Variants in ST18 observed in about 807,000 individuals in gnomAD.
ST18 encodes suppression of tumorigenicity 18 protein.
Under a neutral mutation model 110.0 loss-of-function variants are expected in ST18, and 50 were observed. That is an observed-to-expected ratio of 0.45 (90% CI 0.36 to 0.58). ST18 has a LOEUF of 0.58. Ranked by LOEUF, ST18 falls within the 20% of genes least tolerant of loss-of-function variation. The pLI, the probability that ST18 is intolerant of heterozygous loss-of-function variation, is 0.00. For missense variants in ST18, 1,306 were observed against 1,280.1 expected (o/e 1.02, Z -0.31); for synonymous variants, 461 against 452.4 (o/e 1.02, Z -0.24).
chr8:52,306,709 T>C (rs746891320), intron 2 of ST18, among the ~76,000 whole-genome samples: 1 of 152,148 alleles, frequency 6.6e-6, no homozygotes, highest in Non-Finnish European at 1.5e-5. Flanking sequence ...AGGCCTGAAA[T>C]AGGTCAGTGG....
At chr8:52,353,991 C>T (rs953504503) in intron 2 of ST18, among the ~76,000 whole-genome samples, 2 of 152,256 alleles carry the variant, frequency 1.3e-5, no homozygotes, top group Non-Finnish European at 2.9e-5. Context: ...GGCTAGCCCA[C>T]TCCACCTGCT....
intron 2 of ST18, among the ~76,000 whole-genome samples, chr8:52,327,508 C>T (rs1016381101): frequency 1.3e-5 from 2 of 152,188 alleles, no homozygotes; most frequent in Non-Finnish European, 2.9e-5. Flanking sequence ...TCTAGAGTAG[C>T]AACTTGAATT....
intron 2 of ST18, among the ~76,000 whole-genome samples, chr8:52,350,607 C>T (rs1191319482): frequency 6.6e-6 from 1 of 152,170 alleles, no homozygotes; most frequent in Non-Finnish European, 1.5e-5. Context: ...CAGACTACAA[C>T]AAACCCTGTA....
At chr8:52,194,609 G>A (rs1238569133) in intron 8 of ST18, 2 of 152,170 alleles carry the variant, frequency 1.3e-5, no homozygotes, top group African/African-American at 4.8e-5. Flanking sequence ...CTCCGGGAGA[G>A]CCATCAACAA....
At chr8:52,334,188 C>G (rs1448755373) in intron 2 of ST18, among the ~76,000 whole-genome samples, 3 of 152,184 alleles carry the variant, frequency 2.0e-5, no homozygotes, top group African/African-American at 7.2e-5. Flanking sequence ...TACACTTTAG[C>G]CAACAATATT....
intron 22 of ST18, among the ~76,000 whole-genome samples, chr8:52,128,630 T>C (rs9694119): frequency 0.3 from 45,318 of 152,102 alleles, 9,760 homozygotes; most frequent in African/African-American, 0.61. Context: ...AAGTGTGTTT[T>C]GTAATGATTC....
At chr8:52,116,733 G>C (rs1291729259) in intron 24 of ST18, among the ~76,000 whole-genome samples, 4 of 152,150 alleles carry the variant, frequency 2.6e-5, no homozygotes, top group Admixed American at 2.6e-4. Context: ...TCCATCCGCT[G>C]TCTCCCTTTT....
At chr8:52,256,980 C>T (rs142713036) in intron 2 of ST18, among the ~76,000 whole-genome samples, 22 of 152,264 alleles carry the variant, frequency 1.4e-4, no homozygotes, top group African/African-American at 5.3e-4. Flanking sequence ...CTCCCTCTCA[C>T]CCAGGCAACC....
At chr8:52,249,925 G>T (rs1437722949) in intron 2 of ST18, among the ~76,000 whole-genome samples, 1 of 151,940 alleles carries the variant, frequency 6.6e-6, no homozygotes, top group African/African-American at 2.4e-5. Context: ...CAACAAAAAA[G>T]AATTGCTTTC....
intron 2 of ST18, among the ~76,000 whole-genome samples, chr8:52,314,188 C>T (rs538373459): frequency 2.0e-5 from 3 of 152,092 alleles, no homozygotes; most frequent in African/African-American, 7.2e-5. Context: ...CTTTCCTTGG[C>T]CTTAACTCCC....
intron 2 of ST18, among the ~76,000 whole-genome samples, chr8:52,316,067 T>G (rs573826643): frequency 6.6e-6 from 1 of 152,250 alleles, no homozygotes; most frequent in African/African-American, 2.4e-5. Flanking sequence ...AAGGTATCAA[T>G]TGTGCATATC....
intron 10 of ST18, chr8:52,171,491 A>T: frequency 2.2e-6 from 1 of 461,450 alleles, no homozygotes; most frequent in South Asian, 1.7e-5. Flanking sequence ...ACTTCCAATA[A>T]TGTCAAATAA....
chr8:52,319,042 T>C (rs1440871307), intron 2 of ST18, among the ~76,000 whole-genome samples: 6 of 152,140 alleles, frequency 3.9e-5, no homozygotes, highest in Non-Finnish European at 7.3e-5. Context: ...TGTTTACTTA[T>C]GTAACAAGCC....
At chr8:52,326,432 A>C (rs1056648737) in intron 2 of ST18, among the ~76,000 whole-genome samples, 2 of 152,206 alleles carry the variant, frequency 1.3e-5, no homozygotes, top group African/African-American at 4.8e-5. Flanking sequence ...GAAGGTTTAC[A>C]TGATTGGGGA....
chr8:52,150,691 A>G (rs904874978), intron 15 of ST18: 7 of 152,226 alleles, frequency 4.6e-5, no homozygotes, highest in African/African-American at 1.7e-4. Flanking sequence ...GTGCAAACTT[A>G]AGAATACTAT....
chr8:52,292,875 A>G (rs567794799), intron 2 of ST18, among the ~76,000 whole-genome samples: 2 of 152,342 alleles, frequency 1.3e-5, no homozygotes, highest in Non-Finnish European at 2.9e-5. Flanking sequence ...CTTCCAATAA[A>G]GAAGGGAAAC....
chr8:52,132,779 T>C (rs1384840854), intron 21 of ST18, among the ~76,000 whole-genome samples: 3 of 152,238 alleles, frequency 2.0e-5, no homozygotes, highest in Non-Finnish European at 2.9e-5. Context: ...TTTATCATTG[T>C]ATAGTACTTC....
intron 15 of ST18, chr8:52,154,354 C>T (rs370761061): frequency 2.6e-5 from 4 of 152,344 alleles, no homozygotes; most frequent in Admixed American, 1.3e-4. Flanking sequence ...AAGCAAGTGT[C>T]AATTTTTTGT....
Position 52,111,085 on chromosome 8 carries a change from G to A in ST18, c.*2113C>T, listed in dbSNP as rs2040419126. The A allele has an allele frequency of 1.0e-5, 4 of 398,062 alleles. No individual in the cohort carries two copies. The East Asian group carries it at 1.4e-4, about 14-fold the overall frequency. The allele number at this position is 398,062 out of a possible 1,614,324, so 24.7% of individuals were successfully genotyped here. A position where few individuals can be genotyped will look rare whatever the true frequency, so the allele number is the denominator to read the frequency against. Reference sequence around the variant, plus strand: ...TACAAAACACATCAAGTACAAAGTAGGCAAATAAATACAAACATACTTCAC... The same window carrying A: ...TACAAAACACATCAAGTACAAAGTAAGCAAATAAATACAAACATACTTCAC... On this transcript the variant is annotated 3_prime_UTR_variant, in exon 26 of 26. Transcript: ENST00000689386.
Sources: gnomAD v4.1 joint callset for allele counts (sites outside exome capture counted in the v4.1 genomes callset) on GRCh38, gnomAD v4.1.1 for gene constraint, MANE v1.5 for transcripts, NCBI Gene and HGNC (gene_info 2026-07-23, HGNC 2026-07-21) for gene names.